Variants in ZNF723 observed in about 807,000 individuals in gnomAD.
ZNF723 encodes zinc finger protein 723, pseudogene.
A neutral mutation model predicts 9.4 loss-of-function variants in ZNF723; 5 were observed. The ratio of observed to expected loss-of-function variants is 0.53; its 90% CI spans 0.28 to 1.12. ZNF723 has a LOEUF of 1.12. ZNF723 is among the 50% of genes most tolerant of loss of function. ZNF723 has a pLI of 0.10. For synonymous variants in ZNF723, 158 were observed against 168.8 expected (o/e 0.94, Z 0.49); for missense variants, 450 against 501.5 (o/e 0.90, Z 0.98).
At position 22,836,109 on chromosome 19, in the gene ZNF723, T is replaced by A. The variant is rs77141065; in HGVS notation, c.3+3727T>A. ...GAGCCCAGGGACTCCAAGCTAAGGC[T>A]AATATTGAGCCTGCAAAAGGAGGTT... On this transcript the variant is annotated intron_variant, in intron 1 of 3. Coordinates refer to ENST00000600766, the MANE Select transcript of ZNF723 (RefSeq NM_001349726.2). 3.1e-3 allele frequency among the ~76,000 whole-genome samples: 475 copies of A among 152,256 alleles called. 5 individuals are homozygous for A. The highest frequency in any genetic ancestry group is 0.027 in the Admixed American group (413 of 15,286).
chr19:22,853,113 G>A (rs552152933), intron 3 of ZNF723, among the ~76,000 whole-genome samples: 1 of 151,856 alleles, frequency 6.6e-6, no homozygotes, highest in African/African-American at 2.4e-5. Flanking sequence ...TATGCAAATA[G>A]CTCTTTATAT....
rs1328293345 is a variant in ZNF723, at chr19:22,858,484, G to T, written c.*51G>T. 1.9e-5 allele frequency: 12 copies of T among 621,030 alleles called. No homozygotes were observed. Among genetic ancestry groups the T allele is most frequent in the African/African-American group, 3.7e-5 (2 of 54,282 alleles). 38.5% of individuals were successfully genotyped at this position (621,030 alleles called of 1,614,324 possible). ...TTTTTTAAACATAAAAGAAATGCTG[G>T]TGGCCAGGCACAGTAGCTTACGCCT... On this transcript the variant is annotated 3_prime_UTR_variant, in exon 4 of 4. Coordinates refer to ENST00000600766, the MANE Select transcript of ZNF723 (RefSeq NM_001349726.2).
chr19:22,856,326 A>T (rs1967478956), intron 3 of ZNF723, among the ~76,000 whole-genome samples: 1 of 151,852 alleles, frequency 6.6e-6, no homozygotes, highest in African/African-American at 2.4e-5. Context: ...TTGATATTTC[A>T]TACTTTTGTT....
At chr19:22,846,064 A>G (rs1218615623) in intron 1 of ZNF723, among the ~76,000 whole-genome samples, 3 of 152,016 alleles carry the variant, frequency 2.0e-5, no homozygotes, top group Non-Finnish European at 4.4e-5. Flanking sequence ...AGGGTCTCTG[A>G]ACAATATTTC....
At chr19:22,824,547 G>T in the ZNF723 span, among the ~76,000 whole-genome samples, 2 of 151,980 alleles carry the variant, frequency 1.3e-5, no homozygotes, top group Non-Finnish European at 2.9e-5. Flanking sequence ...AACAGGTAAA[G>T]TCTTCGTCTG....
At chr19:22,842,253 C>T (rs1012988045) in intron 1 of ZNF723, among the ~76,000 whole-genome samples, 12 of 152,238 alleles carry the variant, frequency 7.9e-5, no homozygotes, top group Middle Eastern at 3.4e-3. Context: ...GATCGACCCG[C>T]CTCGGCCTTC....
At chr19:22,828,562 A>G (rs1203570990), upstream of ZNF723, among the ~76,000 whole-genome samples, 3 of 152,160 alleles carry the variant, frequency 2.0e-5, no homozygotes, top group Non-Finnish European at 4.4e-5. Context: ...CTGTGGCAAG[A>G]GAATCGCTTG....
chr19:22,817,311 G>A, the ZNF723 span, among the ~76,000 whole-genome samples: 1 of 152,122 alleles, frequency 6.6e-6, no homozygotes, highest in Non-Finnish European at 1.5e-5. Flanking sequence ...CATATTTTGG[G>A]TATTGTGACA....
chr19:22,843,362 G>T (rs915842763), intron 1 of ZNF723, among the ~76,000 whole-genome samples: 26 of 152,186 alleles, frequency 1.7e-4, no homozygotes, highest in African/African-American at 6.0e-4. Flanking sequence ...TTCTATCTCA[G>T]TGTAAAAAAT....
upstream of ZNF723, among the ~76,000 whole-genome samples, chr19:22,829,056 A>G (rs763812836): frequency 6.6e-6 from 1 of 151,694 alleles, no homozygotes; most frequent in Non-Finnish European, 1.5e-5. Flanking sequence ...ACCTGTAATC[A>G]CAGCTACTTG....
intron 3 of ZNF723, among the ~76,000 whole-genome samples, chr19:22,853,309 AT>A (rs1338020638): frequency 6.6e-6 from 1 of 151,928 alleles, no homozygotes; most frequent in Non-Finnish European, 1.5e-5. Context: ...TTCTCTTGAG[AT>A]TCCATATACT....
the ZNF723 span, among the ~76,000 whole-genome samples, chr19:22,819,690 A>G: frequency 6.6e-6 from 1 of 152,184 alleles, no homozygotes; most frequent in Non-Finnish European, 1.5e-5. Context: ...TTGGCCTCTG[A>G]CGTACAATAT....
the ZNF723 span, among the ~76,000 whole-genome samples, chr19:22,813,342 G>A: frequency 6.6e-6 from 1 of 152,154 alleles, no homozygotes; most frequent in Non-Finnish European, 1.5e-5. Context: ...ATAGATGCAA[G>A]TGTGACATAT....
the ZNF723 span, among the ~76,000 whole-genome samples, chr19:22,813,742 A>AAAAC: frequency 8.6e-5 from 13 of 152,044 alleles, no homozygotes; most frequent in Non-Finnish European, 1.6e-4. Flanking sequence ...CTCCGTCTCA[A>AAAAC]AAACAAACAA....
chr19:22,828,300 G>T (rs1568400796), upstream of ZNF723, among the ~76,000 whole-genome samples: 1 of 152,082 alleles, frequency 6.6e-6, no homozygotes, highest in Non-Finnish European at 1.5e-5. Flanking sequence ...TGCCACTAAG[G>T]CCTAGAGTTT....
chr19:22,858,577 A>G lies in ZNF723; in HGVS notation c.*144A>G, dbSNP rs995582535. On this transcript the variant is annotated 3_prime_UTR_variant, in exon 4 of 4. Coordinates refer to ENST00000600766, the MANE Select transcript of ZNF723 (RefSeq NM_001349726.2). Reference sequence around the variant, plus strand: ...GAGGTCAGGAGTTCGAGACCAACCTAACATGGTGAAACAACGTCTCTACTA... The same window carrying G: ...GAGGTCAGGAGTTCGAGACCAACCTGACATGGTGAAACAACGTCTCTACTA... 41 of 500,896 alleles carry G rather than the reference A, an allele frequency of 8.2e-5. No individual in the cohort carries two copies. The highest frequency in any genetic ancestry group is 7.2e-4 in the African/African-American group (37 of 51,260). The allele number at this position is 500,896 out of a possible 1,614,324, so 31.0% of individuals were successfully genotyped here.
At chr19:22,850,282 C>T (rs552613834) in intron 3 of ZNF723, among the ~76,000 whole-genome samples, 1 of 152,184 alleles carries the variant, frequency 6.6e-6, no homozygotes, top group Admixed American at 6.5e-5. Flanking sequence ...TCTTGGCTCA[C>T]TGTAACCTCC....
At chr19:22,825,925 A>T in the ZNF723 span, among the ~76,000 whole-genome samples, 1 of 152,260 alleles carries the variant, frequency 6.6e-6, no homozygotes. Flanking sequence ...CCCTGCTTAT[A>T]GAGCAAATTA....
At chr19:22,851,378 G>T (rs1052427619) in intron 3 of ZNF723, among the ~76,000 whole-genome samples, 1 of 152,006 alleles carries the variant, frequency 6.6e-6, no homozygotes, top group Non-Finnish European at 1.5e-5. Context: ...CAGCATGTTG[G>T]TGAGGCTGGT....
Sources: allele counts gnomAD v4.1 joint callset (sites outside exome capture counted in the v4.1 genomes callset), GRCh38; gene constraint gnomAD v4.1.1; transcripts MANE v1.5; gene names NCBI Gene and HGNC (gene_info 2026-07-23, HGNC 2026-07-21).